PON1: variants seen among roughly 807,000 people sequenced by gnomAD.
The protein encoded by PON1 is paraoxonase 1.
Under a neutral mutation model 39.2 loss-of-function variants are expected in PON1, and 37 were observed. The observed-to-expected ratio is 0.94, with a 90% CI of 0.73 to 1.24. PON1 has a LOEUF of 1.24. Ranked by LOEUF, PON1 falls within the 50% of genes most tolerant of loss-of-function variation. The pLI is 0.00. For missense variants in PON1, 397 were observed against 413.5 expected (o/e 0.96, Z 0.35); for synonymous variants, 148 against 152.2 (o/e 0.97, Z 0.21).
In PON1 at chr7:95,298,684, A is replaced by T; in HGVS notation, c.*260T>A. On this transcript the variant is annotated 3_prime_UTR_variant, in exon 9 of 9. Transcript: ENST00000222381. The stretch of plus-strand genomic sequence containing the variant: ...TTATTTAATATCTGACAATTGACAT[A>T]ACTGATTTATCCATTTTAGTGAGAA... 1.9e-6 allele frequency: 1 copy of T among 540,134 alleles called. No homozygotes were observed. The highest frequency in any genetic ancestry group is 3.3e-6 in the Non-Finnish European group (1 of 300,226). The allele number at this position is 540,134 out of a possible 1,614,324, so 33.5% of individuals were successfully genotyped here.
intron 8 of PON1, among the ~76,000 whole-genome samples, chr7:95,301,923 TA>T (rs10638749): frequency 2.9e-4 from 39 of 135,576 alleles, no homozygotes; most frequent in Non-Finnish European, 2.8e-4. Flanking sequence ...CTGTCTCTAC[TA>T]AAAAAAAAAA....
chr7:95,298,163 T>C lies in PON1; in HGVS notation c.*781A>G, dbSNP rs1338673345. On this transcript the variant is annotated 3_prime_UTR_variant, in exon 9 of 9. Coordinates refer to ENST00000222381, the MANE Select transcript of PON1 (RefSeq NM_000446.7). ...CTTTTAGCTTCGCCCATGTCAATTA[T>C]GGGATTCATTCTGTATCCAGTCATC... is the stretch of plus-strand genomic sequence containing the variant. 1 of 152,342 alleles carries C rather than the reference T, an allele frequency of 6.6e-6. No individual in the cohort carries two copies. Among genetic ancestry groups the C allele is most frequent in the East Asian group, 1.9e-4 (1 of 5,190 alleles). The allele number at this position is 152,342 out of a possible 1,614,324, so 9.4% of individuals were successfully genotyped here. A position where few individuals can be genotyped will look rare whatever the true frequency, so the allele number is the denominator to read the frequency against.
chr7:95,308,372 C>T (rs192592124), intron 5 of PON1, among the ~76,000 whole-genome samples, 161 bp from the exon 6 acceptor site: 4 of 122,764 alleles, frequency 3.3e-5, no homozygotes, highest in Admixed American at 1.6e-4. Flanking sequence ...TTAGTCCTGC[C>T]GATACAATCC....
chr7:95,308,493 T>C (rs1191712187), intron 5 of PON1, among the ~76,000 whole-genome samples: 1 of 151,912 alleles, frequency 6.6e-6, no homozygotes, highest in South Asian at 2.1e-4. Context: ...TGTGTGTGTG[T>C]GTGTGTGTGT....
At chr7:95,311,423 A>G in intron 5 of PON1, 28 bp downstream of exon 5, 1 of 1,613,404 alleles carries the variant, frequency 6.2e-7, no homozygotes, top group South Asian at 1.1e-5. Context: ...CAGCTAAAGG[A>G]AAATAGAAAT....
intron 6 of PON1, 72 bp from the exon 7 acceptor site, chr7:95,306,438 T>C (rs1026770834): frequency 1.5e-5 from 16 of 1,067,420 alleles, no homozygotes; most frequent in Non-Finnish European, 2.3e-5. Flanking sequence ...GAAGTTGTAA[T>C]ACCTATTCAT....
Position 95,324,458 on chromosome 7 carries a change from C to A in PON1, c.18G>T (p.Ala6=). 6.2e-7 allele frequency: 1 copy of A among 1,614,102 alleles called. No homozygotes were observed. Among genetic ancestry groups the A allele is most frequent in the Non-Finnish European group, 8.5e-7 (1 of 1,179,998 alleles). The change falls in exon 1 of 9, where the codon GCG becomes GCT. Residue 6 remains alanine, a synonymous_variant. Transcript: ENST00000222381. Reference sequence around the variant, plus strand: ...CCAGTCCCATCCCCAAGAGGGTGAGCGCAATCAGCTTCGCCATGGTCGGGG... The same window carrying A: ...CCAGTCCCATCCCCAAGAGGGTGAGAGCAATCAGCTTCGCCATGGTCGGGG... MAKLI[A]LTLLGMGLAL...
rs2009537032 is a variant in PON1 at position 95,298,844 on chromosome 7, T to C, written c.*100A>G. ...TGCTTCATGATGTCCACATTTAGGG[T>C]CAGCATTCATTGTTCAGCTAAGAAC... On this transcript the variant is annotated 3_prime_UTR_variant, in exon 9 of 9. Coordinates refer to ENST00000222381, the MANE Select transcript of PON1 (RefSeq NM_000446.7). 1 of 1,409,992 alleles carries C rather than the reference T, an allele frequency of 7.1e-7. No homozygotes were observed. Among genetic ancestry groups the C allele is most frequent in the Admixed American group, 1.7e-5 (1 of 58,514 alleles). The allele number at this position is 1,409,992 out of a possible 1,614,324, so 87.3% of individuals were successfully genotyped here.
chr7:95,318,064 ATTTTTCT>A (rs1441370971), intron 2 of PON1, among the ~76,000 whole-genome samples: 3 of 141,832 alleles, frequency 2.1e-5, no homozygotes, highest in Middle Eastern at 3.6e-3. Flanking sequence ...ACATTATTCT[ATTTTTCT>A]TTTTTCTTTT....
At chr7:95,306,928 AAAAAG>A (rs986338558) in intron 6 of PON1, among the ~76,000 whole-genome samples, 5 of 152,096 alleles carry the variant, frequency 3.3e-5, no homozygotes, top group African/African-American at 1.2e-4. Flanking sequence ...CCCCAACAAA[AAAAAG>A]AAATTACTGC....
intron 4 of PON1, among the ~76,000 whole-genome samples, chr7:95,314,289 G>C (rs577567490): frequency 1.3e-5 from 2 of 152,166 alleles, no homozygotes; most frequent in East Asian, 3.9e-4. Flanking sequence ...GAACCCGGGA[G>C]GTGAAGTTTT....
rs374067811 is a variant in PON1, at chr7:95,308,019, G to A, written c.690C>T (p.Pro230=). 3.3e-5 allele frequency: 54 copies of A among 1,613,206 alleles called. No individual in the cohort carries two copies. The Admixed American group carries it at 4.3e-4, about 13-fold the overall frequency. The part of the protein sequence containing the change: ...FDFANGINIS[P]DGKYVYIAEL... ...TCAGAGAGTTCACATACTTGCCATC[G>A]GGTGAAATGTTGATTCCATTAGCAA... is the stretch of plus-strand genomic sequence containing the variant. Residue 230 remains proline (P), a synonymous_variant, in exon 6 of 9, where the codon CCC becomes CCT. Coordinates refer to ENST00000222381, the MANE Select transcript of PON1 (RefSeq NM_000446.7).
intron 1 of PON1, among the ~76,000 whole-genome samples, chr7:95,320,228 T>C (rs2116326284): frequency 6.6e-6 from 1 of 152,354 alleles, no homozygotes; most frequent in South Asian, 2.1e-4. Context: ...ATACTCATGC[T>C]GCCTGACTCA....
rs755298318 is a variant in PON1 at position 95,315,445 on chromosome 7, C to T, written c.247G>A (p.Gly83Arg). The T allele has an allele frequency of 6.2e-7, 1 of 1,614,006 alleles. No individual in the cohort carries two copies. Among genetic ancestry groups the T allele is most frequent in the East Asian group, 2.2e-5 (1 of 44,878 alleles). Residue 83 changes from glycine to arginine, a missense_variant, in exon 4 of 9, where the codon GGA becomes AGA. By Grantham distance (125) the Gly-to-Arg change is moderately radical. Coordinates refer to ENST00000222381, the MANE Select transcript of PON1 (RefSeq NM_000446.7). ...GIKSFNPNSP[G>R]KILLMDLNEE... ...TTCAGGTCCATCAGAAGTATTTTTC[C>T]AGGACTGTTGGGGTTGAAGCTCTTT...
At chr7:95,321,863 C>T (rs927988247) in intron 1 of PON1, among the ~76,000 whole-genome samples, 3 of 152,208 alleles carry the variant, frequency 2.0e-5, no homozygotes, top group African/African-American at 7.2e-5. Context: ...GGAACCTTCA[C>T]ATATACATCT....
intron 1 of PON1, 170 bp from the exon 2 acceptor site, chr7:95,318,563 A>G (rs3917495): frequency 1.6e-6 from 1 of 606,532 alleles, no homozygotes; most frequent in Non-Finnish European, 3.0e-6. Context: ...CAAGTGGGGA[A>G]CTCTGGGTAC....
chr7:95,315,317 G>T lies in PON1; in HGVS notation c.370+5C>A. ...TTGGTTTTAATAAATAGTAAATATT[G>T]TTACCTTCATCTGTGAATGTGCTAA... On this transcript the variant is annotated splice_donor_5th_base_variant and intron_variant, in intron 4 of 8. Coordinates refer to ENST00000222381, the MANE Select transcript of PON1 (RefSeq NM_000446.7). 3.1e-6 allele frequency: 5 copies of T among 1,609,496 alleles called. No homozygotes were observed. The highest frequency in any genetic ancestry group is 4.3e-6 in the Non-Finnish European group (5 of 1,176,432).
At chr7:95,323,774 T>C (rs1008248334) in intron 1 of PON1, among the ~76,000 whole-genome samples, 2 of 152,118 alleles carry the variant, frequency 1.3e-5, no homozygotes, top group Non-Finnish European at 2.9e-5. Context: ...GCAGCTAAGG[T>C]TAGAGATGTA....
chr7:95,302,344 TA>T lies in PON1; in HGVS notation c.781-12del. The T allele has an allele frequency of 6.2e-7, 1 of 1,601,622 alleles. No homozygotes were observed. The highest frequency in any genetic ancestry group is 1.1e-5 in the South Asian group (1 of 90,824). The stretch of plus-strand genomic sequence containing the variant: ...ATTAAAGTCAAGGGACTTAAAAGAT[TA>T]AAAACAAGAAAAGAACAAGACATAA... On this transcript the variant is annotated splice_polypyrimidine_tract_variant and intron_variant, in intron 7 of 8. Transcript: ENST00000222381.
Sources: allele counts gnomAD v4.1 joint callset (sites outside exome capture counted in the v4.1 genomes callset), GRCh38; gene constraint gnomAD v4.1.1; transcripts MANE v1.5; gene names NCBI Gene and HGNC (gene_info 2026-07-23, HGNC 2026-07-21).